DDIAS: variants seen among roughly 807,000 people sequenced by gnomAD.
The protein encoded by DDIAS is DNA damage-induced apoptosis suppressor protein.
Under a neutral mutation model 15.7 loss-of-function variants are expected in DDIAS, and 14 were observed. The observed-to-expected ratio is 0.89, with a 90% CI of 0.59 to 1.39. The LOEUF (loss-of-function observed/expected upper bound fraction) is 1.39. Among genes scored for constraint, DDIAS ranks in the 40% most tolerant of loss-of-function variants. The probability of loss-of-function intolerance (pLI) is 0.00; values close to 1 mark genes in which losing one functional copy is unlikely to be tolerated. For missense variants in DDIAS, 1,035 were observed against 1,130.9 expected (o/e 0.92, Z 1.22); for synonymous variants, 355 against 395.9 (o/e 0.90, Z 1.23).
chr11:82,928,680 C>G, intron 3 of DDIAS, 97 bp from the exon 4 acceptor site: 2 of 1,294,694 alleles, frequency 1.5e-6, no homozygotes, highest in Non-Finnish European at 2.1e-6. Context: ...AGCATTTATA[C>G]ACAAAATGTT....
intron 5 of DDIAS, 24 bp downstream of exon 5, chr11:82,930,298 TA>T (rs2121366170): frequency 1.4e-6 from 2 of 1,400,922 alleles, no homozygotes; most frequent in South Asian, 2.4e-5. Flanking sequence ...GCTTTCTTTT[TA>T]ATAATCTGTT....
chr11:82,911,237 A>T (rs1432266241), intron 1 of DDIAS, among the ~76,000 whole-genome samples: 2 of 152,276 alleles, frequency 1.3e-5, no homozygotes, highest in East Asian at 1.9e-4. Context: ...TGCATTGATT[A>T]TTCCTTTCAC....
chr11:82,907,992 A>G (rs1053789248), intron 1 of DDIAS, among the ~76,000 whole-genome samples: 2 of 152,242 alleles, frequency 1.3e-5, no homozygotes, highest in African/African-American at 4.8e-5. Context: ...AAGCAAAGAC[A>G]TACATAGGAT....
In DDIAS at chr11:82,928,887, T is replaced by G; in HGVS notation, c.224T>G (p.Phe75Cys). The change falls in exon 4 of 6, where the codon TTT becomes TGT. Residue 75 changes from phenylalanine to cysteine, a missense_variant. Coordinates refer to ENST00000533655, the MANE Select transcript of DDIAS (RefSeq NM_145018.4). The stretch of plus-strand genomic sequence containing the variant: ...AACAAATTGTTTGTTATTACTGTAT[T>G]TGGAAGTTGCTTAGATACATTTTTT... ...ESNKLFVITVFGSCLDTFFGL... is the reference protein window; with the variant it reads ...ESNKLFVITVCGSCLDTFFGL... 6.2e-7 allele frequency: 1 copy of G among 1,613,002 alleles called. No individual in the cohort carries two copies. The highest frequency in any genetic ancestry group is 8.5e-7 in the Non-Finnish European group (1 of 1,179,714).
At position 82,933,231 on chromosome 11, in the gene DDIAS, T is replaced by C; in HGVS notation, c.1893T>C (p.Leu631=). The C allele has an allele frequency of 1.9e-6, 3 of 1,612,174 alleles. No homozygotes were observed. Among genetic ancestry groups the C allele is most frequent in the Non-Finnish European group, 2.5e-6 (3 of 1,179,586 alleles). Residue 631 remains leucine (L), a synonymous_variant, in exon 6 of 6, where the codon CTT becomes CTC. Coordinates refer to ENST00000533655, the MANE Select transcript of DDIAS (RefSeq NM_145018.4). The part of the protein sequence containing the change: ...QDDSFTICRK[L]TYPLETLCNS... ...ACAGTTTTACAATTTGCAGGAAACT[T>C]ACATATCCTTTAGAAACTCTTTGCA... is the stretch of plus-strand genomic sequence containing the variant.
At chr11:82,924,337 A>G (rs1016704743) in intron 3 of DDIAS, among the ~76,000 whole-genome samples, 2 of 152,224 alleles carry the variant, frequency 1.3e-5, no homozygotes, top group African/African-American at 4.8e-5. Flanking sequence ...CATTATAGGT[A>G]TGTATGACTC....
At position 82,917,581 on chromosome 11, in the gene DDIAS, A is replaced by G. The variant is rs561118808; in HGVS notation, c.113+2730A>G. 1.4e-3 allele frequency among the ~76,000 whole-genome samples: 214 copies of G among 152,232 alleles called. 2 individuals carry two copies. Among genetic ancestry groups the G allele is most frequent in the African/African-American group, 4.8e-3 (200 of 41,552 alleles). ...TTTGGGTTGGTTCCACGATTTTGCA[A>G]TTGTGAACTGGGCTGCTATAAACAT... On this transcript the variant is annotated intron_variant, in intron 3 of 5. Transcript: ENST00000533655.
rs117685851 is a variant in DDIAS, at chr11:82,925,413, A to G, written c.114-3364A>G. ...AGAGTTCAAGCCTAGTCAGGGCAAC[A>G]CAGTGAGACCCCCATCTCTACAAAA... On this transcript the variant is annotated intron_variant, in intron 3 of 5. Coordinates refer to ENST00000533655, the MANE Select transcript of DDIAS (RefSeq NM_145018.4). 7.7e-3 allele frequency among the ~76,000 whole-genome samples: 1,172 copies of G among 152,258 alleles called. 16 individuals are homozygous for G. Among genetic ancestry groups the G allele is most frequent in the Admixed American group, 0.033 (509 of 15,294 alleles).
intron 1 of DDIAS, among the ~76,000 whole-genome samples, chr11:82,902,387 C>A (rs755797314): frequency 7.3e-5 from 11 of 150,662 alleles, no homozygotes; most frequent in Non-Finnish European, 1.3e-4. Context: ...TGACAGTAAC[C>A]CCCCCCTCCC....
intron 1 of DDIAS, 54 bp downstream of exon 1, chr11:82,901,876 AG>A (rs1469730948): frequency 6.6e-6 from 1 of 152,138 alleles, no homozygotes; most frequent in Non-Finnish European, 1.5e-5. Context: ...ACTCCTAAGG[AG>A]GCTCTTAACT....
chr11:82,910,398 A>G (rs1460992927), intron 1 of DDIAS, among the ~76,000 whole-genome samples: 3 of 149,418 alleles, frequency 2.0e-5, no homozygotes, highest in African/African-American at 7.4e-5. Context: ...CTGCCTCAGT[A>G]TCCTGAGTAG....
chr11:82,914,148 T>G, intron 2 of DDIAS: 1 of 293,576 alleles, frequency 3.4e-6, no homozygotes, highest in South Asian at 2.6e-5. Context: ...TTGGCCAGGC[T>G]GGTCTCAAAC....
At chr11:82,926,223 G>A (rs74431906) in intron 3 of DDIAS, among the ~76,000 whole-genome samples, 19,842 of 151,206 alleles carry the variant, frequency 0.13, 1,343 homozygotes, top group Middle Eastern at 0.19. Flanking sequence ...CTAAGTAGCT[G>A]GGACTACAGG....
chr11:82,925,481 C>T (rs1039270390), intron 3 of DDIAS, among the ~76,000 whole-genome samples: 4 of 152,236 alleles, frequency 2.6e-5, no homozygotes, highest in South Asian at 4.1e-4. Context: ...GCCTGTGGTC[C>T]CAGCTACTCA....
intron 1 of DDIAS, among the ~76,000 whole-genome samples, chr11:82,911,917 C>T (rs1860536646): frequency 6.6e-6 from 1 of 152,204 alleles, no homozygotes; most frequent in South Asian, 2.1e-4. Flanking sequence ...CTCATCAGAG[C>T]TCTTGGGTGA....
At chr11:82,910,277 AC>A (rs1860501909) in intron 1 of DDIAS, among the ~76,000 whole-genome samples, 1 of 131,574 alleles carries the variant, frequency 7.6e-6, no homozygotes, top group African/African-American at 3.0e-5. Context: ...AAACAAACCA[AC>A]CTTTTTTTTT....
intron 3 of DDIAS, among the ~76,000 whole-genome samples, chr11:82,928,084 TAAAG>T (rs1373157828): frequency 2.0e-5 from 3 of 151,144 alleles, no homozygotes; most frequent in East Asian, 2.0e-4. Context: ...TCTAATGAAT[TAAAG>T]AAAGTAATTT....
chr11:82,914,915 C>T, intron 3 of DDIAS, 64 bp downstream of exon 3: 4 of 1,114,236 alleles, frequency 3.6e-6, no homozygotes, highest in Non-Finnish European at 5.1e-6. Flanking sequence ...TTTCCTATGG[C>T]TCAAGGGCAA....
chr11:82,928,177 C>CTTTTT (rs541845327), intron 3 of DDIAS, among the ~76,000 whole-genome samples: 418 of 34,212 alleles, frequency 0.012, 113 homozygotes, highest in East Asian at 0.021. Flanking sequence ...TTTTTGTCCT[C>CTTTTT]TTTTTTTTTT....
Sources: allele counts gnomAD v4.1 joint callset (sites outside exome capture counted in the v4.1 genomes callset), GRCh38; gene constraint gnomAD v4.1.1; transcripts MANE v1.5; gene names NCBI Gene and HGNC (gene_info 2026-07-23, HGNC 2026-07-21).